EPHA3: variants seen among roughly 807,000 people sequenced by gnomAD.
The protein encoded by EPHA3 is EPH receptor A3.
Under a neutral mutation model 107.1 loss-of-function variants are expected in EPHA3, and 42 were observed. The observed-to-expected ratio is 0.39, with a 90% CI of 0.31 to 0.51. The LOEUF (loss-of-function observed/expected upper bound fraction) is 0.51. EPHA3 is among the 20% of genes least tolerant of loss of function. The pLI is 0.78. For missense variants in EPHA3, 1,183 were observed against 1,211.2 expected (o/e 0.98, Z 0.35); for synonymous variants, 461 against 424.8 (o/e 1.09, Z -1.05).
chr3:89,130,191 T>A (rs1325871863), intron 2 of EPHA3, among the ~76,000 whole-genome samples: 2 of 152,104 alleles, frequency 1.3e-5, no homozygotes, highest in Non-Finnish European at 2.9e-5. Context: ...TATCTTCCAA[T>A]GAACATGGCA....
At chr3:89,370,747 A>T (rs1288160408) in intron 5 of EPHA3, among the ~76,000 whole-genome samples, 1 of 151,832 alleles carries the variant, frequency 6.6e-6, no homozygotes, top group East Asian at 1.9e-4. Context: ...ACAACAAAGT[A>T]GAAATGAATA....
intron 2 of EPHA3, among the ~76,000 whole-genome samples, chr3:89,187,701 C>A (rs530359924): frequency 6.6e-6 from 1 of 151,802 alleles, no homozygotes; most frequent in Non-Finnish European, 1.5e-5. Context: ...ACATGATGTG[C>A]GAGAGTGTGT....
At chr3:89,222,670 G>T (rs1704409916) in intron 3 of EPHA3, among the ~76,000 whole-genome samples, 1 of 151,898 alleles carries the variant, frequency 6.6e-6, no homozygotes, top group South Asian at 2.1e-4. Context: ...ATTGAGAAGG[G>T]TGAAGGCTGT....
At chr3:89,287,795 C>A (rs1396583361) in intron 3 of EPHA3, among the ~76,000 whole-genome samples, 1 of 151,932 alleles carries the variant, frequency 6.6e-6, no homozygotes, top group East Asian at 1.9e-4. Context: ...AGATATTGAC[C>A]CAAATAAGTG....
At chr3:89,448,453 G>A (rs1709922176) in intron 13 of EPHA3, among the ~76,000 whole-genome samples, 1 of 152,008 alleles carries the variant, frequency 6.6e-6, no homozygotes, top group African/African-American at 2.4e-5. Context: ...TTCCTATATG[G>A]TTGACAATCA....
intron 10 of EPHA3, among the ~76,000 whole-genome samples, chr3:89,415,467 A>AATAT (rs71621548): frequency 0.014 from 1,866 of 131,572 alleles, 21 homozygotes; most frequent in African/African-American, 0.033. Context: ...TTACAGAAAG[A>AATAT]ATATATATAT....
intron 2 of EPHA3, among the ~76,000 whole-genome samples, chr3:89,150,057 C>A (rs1439356290): frequency 6.6e-6 from 1 of 151,960 alleles, no homozygotes; most frequent in Non-Finnish European, 1.5e-5. Flanking sequence ...GGTTGTACAT[C>A]CATTTCCTTG....
At chr3:89,362,007 T>C (rs1459962925) in intron 5 of EPHA3, among the ~76,000 whole-genome samples, 1 of 151,034 alleles carries the variant, frequency 6.6e-6, no homozygotes, top group African/African-American at 2.4e-5. Flanking sequence ...CCCCTCAAGG[T>C]CCTGATTATA....
intron 9 of EPHA3, 90 bp downstream of exon 9, chr3:89,408,221 A>G (rs1477505517): frequency 1.6e-6 from 2 of 1,262,198 alleles, no homozygotes; most frequent in Non-Finnish European, 2.3e-6. Context: ...CTCCTGACAA[A>G]GAGACTTCAA....
intron 3 of EPHA3, among the ~76,000 whole-genome samples, chr3:89,262,224 T>C (rs1260274827): frequency 6.6e-6 from 1 of 152,192 alleles, no homozygotes; most frequent in African/African-American, 2.4e-5. Flanking sequence ...TTTACTCTCA[T>C]GAGAAACTGT....
chr3:89,207,103 T>C (rs1228743746), intron 2 of EPHA3, among the ~76,000 whole-genome samples: 1 of 152,180 alleles, frequency 6.6e-6, no homozygotes, highest in African/African-American at 2.4e-5. Flanking sequence ...TTTTAAACTG[T>C]GATTGTCACA....
chr3:89,202,010 C>G (rs1397080525), intron 2 of EPHA3, among the ~76,000 whole-genome samples: 1 of 152,130 alleles, frequency 6.6e-6, no homozygotes, highest in Non-Finnish European at 1.5e-5. Flanking sequence ...TCTCTGTGTC[C>G]TCCTTAATTT....
chr3:89,393,445 C>T (rs1472978418), intron 5 of EPHA3, among the ~76,000 whole-genome samples: 2 of 152,164 alleles, frequency 1.3e-5, no homozygotes, highest in Admixed American at 6.5e-5. Context: ...GAATTGTTTT[C>T]TCACTTTTCT....
chr3:89,121,351 A>G (rs1382718473), intron 1 of EPHA3, among the ~76,000 whole-genome samples: 1 of 152,238 alleles, frequency 6.6e-6, no homozygotes, highest in African/African-American at 2.4e-5. Context: ...GCTAAATTTA[A>G]CACAGTTTAC....
chr3:89,194,886 T>C (rs1031813527), intron 2 of EPHA3, among the ~76,000 whole-genome samples: 24 of 152,116 alleles, frequency 1.6e-4, no homozygotes, highest in African/African-American at 5.3e-4. Flanking sequence ...GAAAAACTTT[T>C]TGATGTGGGA....
chr3:89,234,169 T>G (rs754315619), intron 3 of EPHA3, among the ~76,000 whole-genome samples: 52 of 152,204 alleles, frequency 3.4e-4, no homozygotes, highest in Non-Finnish European at 6.9e-4. Context: ...AAGATCAATT[T>G]AATTATACAG....
chr3:89,246,649 G>A (rs528643259), intron 3 of EPHA3, among the ~76,000 whole-genome samples: 58 of 152,230 alleles, frequency 3.8e-4, no homozygotes, highest in Admixed American at 2.2e-3. Flanking sequence ...AATATCAATT[G>A]CTACTCTGCC....
chr3:89,400,672 T>C (rs546546688), intron 7 of EPHA3, among the ~76,000 whole-genome samples: 1 of 151,982 alleles, frequency 6.6e-6, no homozygotes, highest in Admixed American at 6.6e-5. Flanking sequence ...TAGGTAATCA[T>C]AATATGCTAA....
chr3:89,186,409 C>T (rs1705570115), intron 2 of EPHA3, among the ~76,000 whole-genome samples: 1 of 152,000 alleles, frequency 6.6e-6, no homozygotes, highest in Non-Finnish European at 1.5e-5. Context: ...TTACAACTCA[C>T]CTATAGCTTT....
Sources: gnomAD v4.1 joint callset for allele counts (sites outside exome capture counted in the v4.1 genomes callset) on GRCh38, gnomAD v4.1.1 for gene constraint, MANE v1.5 for transcripts, NCBI Gene and HGNC (gene_info 2026-07-23, HGNC 2026-07-21) for gene names.